The following UBN2 variants were observed in gnomAD, a reference collection of about 807,000 sequenced individuals.
UBN2 encodes the protein ubinuclein-2.
UBN2 carries 35 observed loss-of-function variants against 120.2 expected under a neutral mutation model. The ratio of observed to expected loss-of-function variants is 0.29; its 90% CI spans 0.22 to 0.39. UBN2 has a LOEUF of 0.39. UBN2 is among the 10% of genes least tolerant of loss of function. UBN2 has a pLI of 1.00. For synonymous variants in UBN2, 661 were observed against 648.7 expected, an observed-to-expected ratio of 1.02 and a Z score of -0.29; for missense variants, 1,693 against 1,663.2, an observed-to-expected ratio of 1.02 and a Z score of -0.31.
chr7:139,326,448 A>AT, the UBN2 span, among the ~76,000 whole-genome samples: 3 of 152,040 alleles, frequency 2.0e-5, no homozygotes, highest in Non-Finnish European at 4.4e-5. Flanking sequence ...CCCTGGCTTT[A>AT]TTTTTCCCCA....
intron 11 of UBN2, among the ~76,000 whole-genome samples, 192 bp from the exon 12 acceptor site, chr7:139,275,905 G>A (rs1368061240): frequency 6.6e-6 from 1 of 152,138 alleles, no homozygotes; most frequent in Admixed American, 6.5e-5. Context: ...AGCCCAGGAG[G>A]CCTAGGTTAT....
downstream of UBN2, among the ~76,000 whole-genome samples, chr7:139,309,283 T>G (rs1008076032): frequency 3.3e-5 from 5 of 152,336 alleles, no homozygotes; most frequent in African/African-American, 1.2e-4. Flanking sequence ...TCCTTTTAAG[T>G]GTATTTTCAG....
At chr7:139,268,209 C>T (rs1256029737) in intron 7 of UBN2, among the ~76,000 whole-genome samples, 1 of 152,182 alleles carries the variant, frequency 6.6e-6, no homozygotes, top group Non-Finnish European at 1.5e-5. Context: ...TAAAACGAAT[C>T]TTCCCATTTT....
chr7:139,305,609 G>A lies in UBN2; in HGVS notation c.*7773G>A, dbSNP rs1180055018. On this transcript the variant is annotated 3_prime_UTR_variant, in exon 18 of 18. Transcript: ENST00000473989. ...CTTTCCTGTGTATCTCCATTTCATA[G>A]TGCGTTAGTACTTAAACTTCGGACA... 2 of 152,050 alleles carry A rather than the reference G, an allele frequency of 1.3e-5. No individual in the cohort carries two copies. The highest frequency in any genetic ancestry group is 4.8e-5 in the African/African-American group (2 of 41,364). 9.4% of individuals were successfully genotyped at this position (152,050 alleles called of 1,614,324 possible).
At chr7:139,313,458 A>G in the UBN2 span, among the ~76,000 whole-genome samples, 1 of 152,226 alleles carries the variant, frequency 6.6e-6, no homozygotes, top group Non-Finnish European at 1.5e-5. Flanking sequence ...CAATTTTGCT[A>G]AACTGTTATT....
the UBN2 span, among the ~76,000 whole-genome samples, chr7:139,328,287 T>A: frequency 6.6e-6 from 1 of 150,822 alleles, no homozygotes; most frequent in Non-Finnish European, 1.5e-5. Context: ...GGGGAGAGAG[T>A]GGAGGGGAAA....
At chr7:139,320,613 T>A in the UBN2 span, among the ~76,000 whole-genome samples, 1 of 152,078 alleles carries the variant, frequency 6.6e-6, no homozygotes, top group Non-Finnish European at 1.5e-5. Context: ...ATCCCAACAC[T>A]TTGGGAGGCC....
chr7:139,326,341 T>G, the UBN2 span, among the ~76,000 whole-genome samples: 1 of 152,108 alleles, frequency 6.6e-6, no homozygotes, highest in Non-Finnish European at 1.5e-5. Flanking sequence ...ACGTTGAAAA[T>G]GGCAGAACCC....
chr7:139,298,285 G>T lies in UBN2; in HGVS notation c.*449G>T. On this transcript the variant is annotated 3_prime_UTR_variant, in exon 18 of 18. Transcript: ENST00000473989. ...CCAGTTTGTCAGGAATAATGATCAT[G>T]TCTATTTGAATGGACTGTGTAGCAG... is the stretch of plus-strand genomic sequence containing the variant. The T allele has an allele frequency of 6.0e-6, 1 of 167,298 alleles. No individual in the cohort carries two copies. Among genetic ancestry groups the T allele is most frequent in the South Asian group, 1.7e-4 (1 of 6,004 alleles). 10.4% of individuals were successfully genotyped at this position (167,298 alleles called of 1,614,324 possible).
In UBN2 at chr7:139,261,451, G is replaced by A. The variant is rs748616998; in HGVS notation, c.1105G>A (p.Val369Ile). The change falls in exon 6 of 18, where the codon GTC (valine) becomes ATC (isoleucine). Residue 369 changes from valine (V) to isoleucine (I), a missense_variant. Around this residue, in one of 5 missense-constraint regions of UBN2, gnomAD observed 663 missense variants for 591.2 expected, o/e 1.12. Transcript: ENST00000473989. Reference protein sequence around the residue: ...PCAAAALGNDVPDLNLSSGDP... With the variant: ...PCAAAALGNDIPDLNLSSGDP... ...TGCTGCTGCAGCACTGGGGAATGAC[G>A]TCCCGGACTTAAATCTGAGCAGCGG... is the stretch of plus-strand genomic sequence containing the variant. 28 of 1,614,054 alleles carry A rather than the reference G, an allele frequency of 1.7e-5. No individual in the cohort carries two copies. In the East Asian group the frequency reaches 2.2e-4, roughly 13 times the overall value.
intron 8 of UBN2, among the ~76,000 whole-genome samples, chr7:139,270,723 C>T (rs1296694226): frequency 6.6e-6 from 1 of 151,966 alleles, no homozygotes; most frequent in Non-Finnish European, 1.5e-5. Flanking sequence ...CATCTAGGAA[C>T]CATGATACCA....
chr7:139,255,541 G>T (rs1038972484), intron 3 of UBN2, among the ~76,000 whole-genome samples: 1 of 152,114 alleles, frequency 6.6e-6, no homozygotes, highest in African/African-American at 2.4e-5. Flanking sequence ...AACAAGGTAG[G>T]TTCCTGTTTT....
rs1313867439 is a variant in UBN2, at chr7:139,239,553, T to TC, written c.561+2456_561+2457insC. Among the ~76,000 whole-genome samples, 88 of 141,964 alleles carry TC rather than the reference T, an allele frequency of 6.2e-4. 2 individuals carry two copies. In the East Asian group the frequency reaches 0.017, roughly 28 times the overall value. The allele number at this position is 141,964 out of a possible 152,430, so 93.1% of individuals were successfully genotyped here. On this transcript the variant is annotated intron_variant, in intron 2 of 17. Transcript: ENST00000473989. ...CCTCCATCACTATATTAGAGTGTCTTTTTTTTTTTTTTTTTTTTTTTGAGG... is the reference window on the plus strand; with the variant it reads ...CCTCCATCACTATATTAGAGTGTCTTCTTTTTTTTTTTTTTTTTTTTTGAGG...
At chr7:139,325,493 C>G in the UBN2 span, among the ~76,000 whole-genome samples, 1 of 151,850 alleles carries the variant, frequency 6.6e-6, no homozygotes, top group African/African-American at 2.4e-5. Context: ...AGTCTCGAAC[C>G]CTTGACCTCA....
At position 139,284,515 on chromosome 7, in the gene UBN2, T is replaced by A. The variant is rs1585023958; in HGVS notation, c.3610T>A (p.Ser1204Thr). 1.2e-6 allele frequency: 2 copies of A among 1,614,080 alleles called. No homozygotes were observed. The highest frequency in any genetic ancestry group is 1.7e-6 in the Non-Finnish European group (2 of 1,180,018). ...SGTQGATKPL[S>T]TPHRPSTASG... The stretch of plus-strand genomic sequence containing the variant: ...AACACAGGGTGCTACCAAACCATTG[T>A]CTACTCCACATAGACCATCCACTGC... The change falls in exon 15 of 18, where the codon TCT becomes ACT. Residue 1204 changes from serine to threonine, a missense_variant. Around this residue, in one of 5 missense-constraint regions of UBN2, gnomAD observed 837 missense variants for 817.6 expected, o/e 1.02. Transcript: ENST00000473989.
intron 2 of UBN2, among the ~76,000 whole-genome samples, chr7:139,237,485 G>T (rs1796196195): frequency 6.6e-6 from 1 of 151,840 alleles, no homozygotes; most frequent in African/African-American, 2.4e-5. Flanking sequence ...TGGTAGAGAC[G>T]GGGTTTCACC....
intron 8 of UBN2, 146 bp downstream of exon 8, chr7:139,269,669 G>C: frequency 2.3e-6 from 2 of 853,322 alleles, no homozygotes; most frequent in Non-Finnish European, 3.4e-6. Flanking sequence ...AAGTATGTTG[G>C]ATCCCCTGAA....
chr7:139,314,714 G>C, the UBN2 span, among the ~76,000 whole-genome samples: 5 of 151,878 alleles, frequency 3.3e-5, no homozygotes, highest in Non-Finnish European at 7.4e-5. Context: ...ATGAACTCCT[G>C]ACTTCAGGGG....
chr7:139,285,061 C>G lies in UBN2; in HGVS notation c.3669+487C>G, dbSNP rs906575837. 4.6e-5 allele frequency among the ~76,000 whole-genome samples: 7 copies of G among 152,086 alleles called. No individual in the cohort carries two copies. The South Asian group carries it at 8.3e-4, about 18-fold the overall frequency. On this transcript the variant is annotated intron_variant, in intron 15 of 17. Coordinates refer to ENST00000473989, the MANE Select transcript of UBN2 (RefSeq NM_173569.4). ...TTATTTTTTAAATCATTTATCTTCT[C>G]GAAATTTTTATTTTGCTTAATTTTG...
Sources: gnomAD v4.1 joint callset for allele counts (sites outside exome capture counted in the v4.1 genomes callset) on GRCh38, gnomAD v4.1.1 for gene constraint, gnomAD v4.1.1 regional missense constraint, MANE v1.5 for transcripts, NCBI Gene and HGNC (gene_info 2026-07-23, HGNC 2026-07-21) for gene names.